Variants in PRDM12 observed in about 807,000 individuals in gnomAD.
The protein encoded by PRDM12 is PR domain zinc finger protein 12.
Under a neutral mutation model 29.6 loss-of-function variants are expected in PRDM12, and 17 were observed. The observed-to-expected ratio is 0.57, with a 90% CI of 0.39 to 0.86. The LOEUF is 0.86. PRDM12 is among the 40% of genes least tolerant of loss of function. PRDM12 has a pLI of 0.00. For synonymous variants in PRDM12, 231 were observed against 225.8 expected, an observed-to-expected ratio of 1.02 and a Z score of -0.21; for missense variants, 422 against 510.8, an observed-to-expected ratio of 0.83 and a Z score of 1.68.
rs1198626052 is a variant in PRDM12, at chr9:130,682,457, G to C, written c.*788G>C. 3 of 152,414 alleles carry C rather than the reference G, an allele frequency of 2.0e-5. No homozygotes were observed. The highest frequency in any genetic ancestry group is 4.4e-5 in the Non-Finnish European group (3 of 68,228). 9.4% of individuals were successfully genotyped at this position (152,414 alleles called of 1,614,324 possible). ...CAGTTTCCCCATCTGTAAAATGAAG[G>C]AGTTGGACCAATGCCCCCTCCCCTT... On this transcript the variant is annotated 3_prime_UTR_variant, in exon 5 of 5. Transcript: ENST00000253008. The surrounding 1 kb of genome is among the most constrained non-coding windows in gnomAD (Gnocchi z 4.2).
At position 130,669,163 on chromosome 9, in the gene PRDM12, T is replaced by G. The variant is rs556869976; in HGVS notation, c.570+850T>G. On this transcript the variant is annotated intron_variant, in intron 3 of 4. Coordinates refer to ENST00000253008, the MANE Select transcript of PRDM12 (RefSeq NM_021619.3). The stretch of plus-strand genomic sequence containing the variant: ...TAACATGGTGAAACCCCGTCTCTAC[T>G]AAAAATACAAAAAATTAGCCGGGCA... 7.0e-4 allele frequency among the ~76,000 whole-genome samples: 105 copies of G among 149,822 alleles called. 1 individual carries two copies. The highest frequency in any genetic ancestry group is 2.6e-3 in the African/African-American group (104 of 40,772).
At chr9:130,680,659 A>ATATATTTTTTTTTTT in intron 4 of PRDM12, among the ~76,000 whole-genome samples, 11 of 72,168 alleles carry the variant, frequency 1.5e-4, no homozygotes, top group African/African-American at 7.0e-4. Flanking sequence ...ATATATATAT[A>ATATATTTTTTTTTTT]TTTTTTTTTT....
At chr9:130,672,836 C>G (rs183172904) in intron 3 of PRDM12, among the ~76,000 whole-genome samples, 78 of 152,248 alleles carry the variant, frequency 5.1e-4, no homozygotes, top group Admixed American at 2.5e-3. Flanking sequence ...GGAGCATGTT[C>G]AGTGGCAGGA....
chr9:130,676,891 T>G (rs573279307), intron 3 of PRDM12, among the ~76,000 whole-genome samples: 164 of 151,814 alleles, frequency 1.1e-3, no homozygotes, highest in African/African-American at 3.9e-3. Context: ...ACCCCTTTTC[T>G]TTCGACCTCC....
At position 130,681,397 on chromosome 9, in the gene PRDM12, C is replaced by A. The variant is rs149975166; in HGVS notation, c.832C>A (p.Arg278Ser). The A allele has an allele frequency of 3.8e-6, 6 of 1,594,942 alleles. No homozygotes were observed. Among genetic ancestry groups the A allele is most frequent in the African/African-American group, 1.4e-5 (1 of 73,590 alleles). The change falls in exon 5 of 5, where the codon CGC becomes AGC. Residue 278 changes from arginine to serine, a missense_variant. This residue lies in a region of PRDM12 where 28 missense variants were observed against 18.3 expected (regional missense o/e 1.53). Transcript: ENST00000253008. This position sits in a 1 kb window ranked among gnomAD's most constrained non-coding sequence, Gnocchi z 8.1. ...DKPFVCRFCN[R>S]RFSQSSTLRN... Reference sequence around the variant, plus strand: ...GCCCTTCGTGTGCCGCTTCTGCAACCGCCGCTTCAGCCAGTCGTCCACGCT... The same window carrying A: ...GCCCTTCGTGTGCCGCTTCTGCAACAGCCGCTTCAGCCAGTCGTCCACGCT...
intron 2 of PRDM12, 127 bp downstream of exon 2, chr9:130,666,925 GC>G: frequency 7.9e-7 from 1 of 1,267,058 alleles, no homozygotes; most frequent in Non-Finnish European, 1.0e-6. Flanking sequence ...TGGCCTGGAC[GC>G]CCCCTGAGCC....
At chr9:130,670,881 C>T (rs1358264626) in intron 3 of PRDM12, among the ~76,000 whole-genome samples, 5 of 152,182 alleles carry the variant, frequency 3.3e-5, no homozygotes, top group Non-Finnish European at 5.9e-5. Context: ...AGTCTCATCT[C>T]GCTGTGCAGG....
At chr9:130,675,865 C>T (rs1327041116) in intron 3 of PRDM12, among the ~76,000 whole-genome samples, 7 of 152,142 alleles carry the variant, frequency 4.6e-5, no homozygotes, top group African/African-American at 7.2e-5. Flanking sequence ...TCAACGTGTC[C>T]GGTTTCATCC....
rs775414846 is a variant in PRDM12 at position 130,678,616 on chromosome 9, G to A, written c.658G>A (p.Glu220Lys). 3.1e-6 allele frequency: 5 copies of A among 1,612,188 alleles called. No homozygotes were observed. The highest frequency in any genetic ancestry group is 4.2e-6 in the Non-Finnish European group (5 of 1,178,528). Residue 220 changes from glutamate to lysine, a missense_variant, in exon 4 of 5, where the codon GAG (glutamate) becomes AAG (lysine). This residue lies in a region of PRDM12 where 300 missense variants were observed against 350.0 expected (regional missense o/e 0.86). Coordinates refer to ENST00000253008, the MANE Select transcript of PRDM12 (RefSeq NM_021619.3). ...GATCCCAGGTGTGCCCGGGCTAGAGGAGGACCAGAAAAAGAACAAGCATGG... is the reference window on the plus strand; with the variant it reads ...GATCCCAGGTGTGCCCGGGCTAGAGAAGGACCAGAAAAAGAACAAGCATGG... ...LGIPGVPGLE[E>K]DQKKNKHEDF...
chr9:130,668,053 C>T lies in PRDM12; in HGVS notation c.415-105C>T, dbSNP rs1830749732. ...TGGGAAAATGAAGCTTTATCCACTT[C>T]CTGGGGCTGTTGTGAGGATGGAGAG... On this transcript the variant is annotated intron_variant, in intron 2 of 4. Transcript: ENST00000253008. The surrounding 1 kb of genome is among the most constrained non-coding windows in gnomAD (Gnocchi z 4.0). 3.6e-6 allele frequency: 5 copies of T among 1,396,354 alleles called. No individual in the cohort carries two copies. The highest frequency in any genetic ancestry group is 1.4e-5 in the African/African-American group (1 of 70,832). The allele number at this position is 1,396,354 out of a possible 1,614,324, so 86.5% of individuals were successfully genotyped here.
chr9:130,680,634 A>AAAAAT (rs1469778040), intron 4 of PRDM12, among the ~76,000 whole-genome samples: 3 of 88,538 alleles, frequency 3.4e-5, no homozygotes, highest in Non-Finnish European at 5.8e-5. Context: ...AAAAAAAAAA[A>AAAAAT]ATATATATAT....
chr9:130,666,739 G>T lies in PRDM12; in HGVS notation c.355G>T (p.Gly119Cys). 6.2e-7 allele frequency: 1 copy of T among 1,612,860 alleles called. No homozygotes were observed. The highest frequency in any genetic ancestry group is 8.5e-7 in the Non-Finnish European group (1 of 1,179,694). The change falls in exon 2 of 5, where the codon GGC (glycine) becomes TGC (cysteine). Residue 119 changes from glycine to cysteine, a missense_variant. By Grantham distance (159) the Gly-to-Cys change is radical. Coordinates refer to ENST00000253008, the MANE Select transcript of PRDM12 (RefSeq NM_021619.3). ...GGGAACCGAGATGGGCCCCTTCACC[G>T]GCCGCGTGATCGCCCCGGAGCACGT... is the stretch of plus-strand genomic sequence containing the variant. ...KAGTEMGPFT[G>C]RVIAPEHVDI...
rs756964544 is a variant in PRDM12 at position 130,681,301 on chromosome 9, G to C, written c.736G>C (p.Val246Leu). Reference sequence around the variant, plus strand: ...TGGCCCCGCGGGCCGCATGCGATGCGTCATCTGCCACCGCGGCTTCAACTC... The same window carrying C: ...TGGCCCCGCGGGCCGCATGCGATGCCTCATCTGCCACCGCGGCTTCAACTC... Reference protein sequence around the residue: ...AAGPAGRMRCVICHRGFNSRS... With the variant: ...AAGPAGRMRCLICHRGFNSRS... Residue 246 changes from valine to leucine, a missense_variant, in exon 5 of 5, where the codon GTC becomes CTC. Coordinates refer to ENST00000253008, the MANE Select transcript of PRDM12 (RefSeq NM_021619.3). The surrounding 1 kb of genome is among the most constrained non-coding windows in gnomAD (Gnocchi z 8.1). 5.9e-6 allele frequency: 9 copies of C among 1,525,842 alleles called. No individual in the cohort carries two copies. In the Admixed American group the frequency reaches 1.6e-4, roughly 27 times the overall value. The allele number at this position is 1,525,842 out of a possible 1,614,324, so 94.5% of individuals were successfully genotyped here. A position where few individuals can be genotyped will look rare whatever the true frequency, so the allele number is the denominator to read the frequency against.
intron 4 of PRDM12, among the ~76,000 whole-genome samples, chr9:130,679,986 G>C (rs1830879007): frequency 6.6e-6 from 1 of 152,122 alleles, no homozygotes; most frequent in Non-Finnish European, 1.5e-5. Flanking sequence ...GGATGAACCT[G>C]AGCTGGTGAG....
At chr9:130,679,571 G>A (rs545630286) in intron 4 of PRDM12, among the ~76,000 whole-genome samples, 21 of 152,224 alleles carry the variant, frequency 1.4e-4, no homozygotes, top group African/African-American at 3.9e-4. Context: ...GACCTCAAGC[G>A]ATCTGCCCAC....
chr9:130,666,237 G>T (rs1830731973), intron 1 of PRDM12, among the ~76,000 whole-genome samples: 1 of 152,240 alleles, frequency 6.6e-6, no homozygotes, highest in Admixed American at 6.5e-5. Flanking sequence ...CCTGGCCTCA[G>T]TTTCCCTGTG....
At position 130,665,381 on chromosome 9, in the gene PRDM12, A is replaced by G. The variant is rs1286222602; in HGVS notation, c.223+505A>G. On this transcript the variant is annotated intron_variant, in intron 1 of 4. Transcript: ENST00000253008. Reference sequence around the variant, plus strand: ...CGAGGGAGAGAAAGAGAGAGCGAGAAAAGTTTCTTTTCTTTAAGATGTCTC... The same window carrying G: ...CGAGGGAGAGAAAGAGAGAGCGAGAGAAGTTTCTTTTCTTTAAGATGTCTC... Among the ~76,000 whole-genome samples, 3 of 152,122 alleles carry G rather than the reference A, an allele frequency of 2.0e-5. No homozygotes were observed. In the East Asian group the frequency reaches 5.8e-4, roughly 29 times the overall value.
Position 130,680,634 on chromosome 9 carries a change from A to AAAAT in PRDM12, c.683-613_683-612insAATA, listed in dbSNP as rs1469778040. Among the ~76,000 whole-genome samples the AAAAT allele has an allele frequency of 5.8e-4, 51 of 88,486 alleles. 1 individual carries two copies. Among genetic ancestry groups the AAAAT allele is most frequent in the African/African-American group, 2.2e-3 (39 of 17,458 alleles). 58.1% of individuals were successfully genotyped at this position (88,486 alleles called of 152,430 possible). On this transcript the variant is annotated intron_variant, in intron 4 of 4. Coordinates refer to ENST00000253008, the MANE Select transcript of PRDM12 (RefSeq NM_021619.3). ...AGGGAGACTCCGTCTAAAAAAAAAA[A>AAAAT]ATATATATATATATATATATATATA... is the stretch of plus-strand genomic sequence containing the variant.
chr9:130,666,556 G>C (rs1183414251), intron 1 of PRDM12, 52 bp from the exon 2 acceptor site: 1 of 1,569,634 alleles, frequency 6.4e-7, no homozygotes, highest in African/African-American at 1.4e-5. Flanking sequence ...AGGAAGGGCC[G>C]GGCCTCGGCT....
Sources: allele counts gnomAD v4.1 joint callset (sites outside exome capture counted in the v4.1 genomes callset), GRCh38; gene constraint gnomAD v4.1.1; regional missense constraint gnomAD v4.1.1; non-coding constraint Gnocchi (gnomAD v3.1); transcripts MANE v1.5; gene names NCBI Gene and HGNC (gene_info 2026-07-23, HGNC 2026-07-21).